ACSM2A: variants seen among roughly 807,000 people sequenced by gnomAD.
ACSM2A encodes the protein acyl-CoA synthetase medium chain family member 2A, also known as acyl-coenzyme A synthetase ACSM2A, mitochondrial.
ACSM2A carries 72 observed loss-of-function variants against 76.6 expected under a neutral mutation model. The ratio of observed to expected loss-of-function variants is 0.94; its 90% CI spans 0.78 to 1.14. The LOEUF (loss-of-function observed/expected upper bound fraction) is 1.14, where lower values mean the gene tolerates loss of function less well. Among genes scored for constraint, ACSM2A ranks in the 50% most tolerant of loss-of-function variants. The probability of loss-of-function intolerance (pLI) is 0.00; values close to 1 mark genes in which losing one functional copy is unlikely to be tolerated. For synonymous variants in ACSM2A, 249 were observed against 255.9 expected (o/e 0.97, Z 0.26); for missense variants, 684 against 708.5 (o/e 0.97, Z 0.39).
chr16:20,463,831 T>A (rs1408918076), intron 2 of ACSM2A, among the ~76,000 whole-genome samples: 1 of 152,252 alleles, frequency 6.6e-6, no homozygotes, highest in Non-Finnish European at 1.5e-5. Context: ...CCATGTAATA[T>A]ATGTCAGAAT....
chr16:20,457,012 G>T (rs1461339921), intron 1 of ACSM2A, among the ~76,000 whole-genome samples: 5 of 151,638 alleles, frequency 3.3e-5, no homozygotes, highest in Non-Finnish European at 7.4e-5. Flanking sequence ...ATCATTCAAG[G>T]CACTACAAAC....
intron 10 of ACSM2A, 94 bp downstream of exon 10, chr16:20,478,771 G>T: frequency 6.9e-7 from 1 of 1,447,032 alleles, no homozygotes; most frequent in East Asian, 2.4e-5. Flanking sequence ...CTTCCAAGAG[G>T]CACTAGATGT....
At chr16:20,482,585 C>T (rs2014146604) in intron 12 of ACSM2A, 1 of 162,460 alleles carries the variant, frequency 6.2e-6, no homozygotes, top group East Asian at 1.7e-4. Context: ...GCAGTGAGGC[C>T]ATGGGGGATC....
intron 1 of ACSM2A, among the ~76,000 whole-genome samples, chr16:20,458,270 C>T (rs995485123): frequency 6.7e-6 from 1 of 149,336 alleles, no homozygotes; most frequent in Non-Finnish European, 1.5e-5. Context: ...CATCAAAATA[C>T]CACCATCATT....
chr16:20,462,331 G>A (rs770374805), intron 2 of ACSM2A, among the ~76,000 whole-genome samples: 24 of 152,152 alleles, frequency 1.6e-4, no homozygotes, highest in Non-Finnish European at 2.8e-4. Context: ...TCACAAAGGG[G>A]TTTAGGTCCC....
At chr16:20,468,503 G>C (rs1286556443) in intron 3 of ACSM2A, among the ~76,000 whole-genome samples, 1 of 152,172 alleles carries the variant, frequency 6.6e-6, no homozygotes, top group Non-Finnish European at 1.5e-5. Flanking sequence ...GGGATTACAG[G>C]CGTGTGCCAT....
At chr16:20,485,804 G>C (rs996265884) in intron 13 of ACSM2A, among the ~76,000 whole-genome samples, 1 of 152,086 alleles carries the variant, frequency 6.6e-6, no homozygotes, top group Non-Finnish European at 1.5e-5. Context: ...GTTAATAAAG[G>C]GTTAATTTTT....
In ACSM2A at chr16:20,477,424, C is replaced by T. The variant is rs541336866; in HGVS notation, c.1154C>T (p.Thr385Met). The change falls in exon 9 of 14, where the codon ACG (threonine) becomes ATG (methionine). Residue 385 changes from threonine to methionine, a missense_variant. Thr to Met is a moderately conservative substitution (Grantham distance 81, BLOSUM62 -1). Around this residue, in one of 3 missense-constraint regions of ACSM2A, gnomAD observed 519 missense variants for 549.5 expected, o/e 0.94. Transcript: ENST00000573854. ...TMKIKPGYMG[T>M]AASCYDVQII... The stretch of plus-strand genomic sequence containing the variant: ...AAAATCAAACCAGGATACATGGGAA[C>T]GGCTGCTTCCTGTTATGATGTACAG... The T allele has an allele frequency of 3.7e-5, 59 of 1,609,118 alleles. No homozygotes were observed. The highest frequency in any genetic ancestry group is 3.3e-4 in the Middle Eastern group (2 of 6,028).
intron 6 of ACSM2A, chr16:20,474,104 A>C: frequency 2.3e-6 from 1 of 442,420 alleles, no homozygotes; most frequent in South Asian, 1.6e-5. Flanking sequence ...TGTCTCCCTA[A>C]AATGTATAAA....
chr16:20,482,777 C>T (rs1416457707), intron 12 of ACSM2A: 1 of 262,484 alleles, frequency 3.8e-6, no homozygotes, highest in Non-Finnish European at 7.3e-6. Flanking sequence ...TCTCTTTTCT[C>T]CCCCTGTATC....
At chr16:20,473,774 A>C (rs988603016) in intron 6 of ACSM2A, among the ~76,000 whole-genome samples, 1 of 152,082 alleles carries the variant, frequency 6.6e-6, no homozygotes, top group African/African-American at 2.4e-5. Flanking sequence ...GGAGTGGGAC[A>C]TGCCTCATTA....
rs756733178 is a variant in ACSM2A at position 20,475,398 on chromosome 16, G to A, written c.931G>A (p.Ala311Thr). 3 of 1,613,770 alleles carry A rather than the reference G, an allele frequency of 1.9e-6. No individual in the cohort carries two copies. Reference sequence around the variant, plus strand: ...TTATCCAATCAAGAGTATGATGGGTGCCCCCATTGTTTACCGGATGTTGCT... The same window carrying A: ...TTATCCAATCAAGAGTATGATGGGTACCCCCATTGTTTACCGGATGTTGCT... ...SSYPIKSMMG[A>T]PIVYRMLLQQ... Residue 311 changes from alanine to threonine, a missense_variant, in exon 7 of 14, where the codon GCC becomes ACC. Around this residue, in one of 3 missense-constraint regions of ACSM2A, gnomAD observed 519 missense variants for 549.5 expected, o/e 0.94. Coordinates refer to ENST00000573854, the MANE Select transcript of ACSM2A (RefSeq NM_001308172.2).
At chr16:20,455,418 A>T (rs200807521) in intron 1 of ACSM2A, among the ~76,000 whole-genome samples, 35,075 of 148,820 alleles carry the variant, frequency 0.24, 979 homozygotes, top group East Asian at 0.42. Context: ...TAATCTATAA[A>T]GGAAAACCTG....
intron 2 of ACSM2A, among the ~76,000 whole-genome samples, chr16:20,463,509 C>T (rs2012765900): frequency 6.6e-6 from 1 of 151,850 alleles, no homozygotes; most frequent in Non-Finnish European, 1.5e-5. Flanking sequence ...TTTTAACATA[C>T]ATGGCACTTC....
At chr16:20,483,241 A>C in intron 13 of ACSM2A, 64 bp downstream of exon 13, 2 of 1,593,746 alleles carry the variant, frequency 1.3e-6, no homozygotes, top group Non-Finnish European at 1.7e-6. Context: ...TGTTATATTT[A>C]TCTTCTTCAG....
chr16:20,458,599 TA>T (rs2012356143), intron 1 of ACSM2A, among the ~76,000 whole-genome samples: 1 of 141,962 alleles, frequency 7.0e-6, no homozygotes, highest in Non-Finnish European at 1.5e-5. Context: ...ATATATTTTT[TA>T]TATATATATA....
chr16:20,475,385 G>C lies in ACSM2A; in HGVS notation c.918G>C (p.Lys306Asn). ...ILKTLSSYPI[K>N]SMMGAPIVYR... Reference sequence around the variant, plus strand: ...AGACACTCTCCAGTTATCCAATCAAGAGTATGATGGGTGCCCCCATTGTTT... The same window carrying C: ...AGACACTCTCCAGTTATCCAATCAACAGTATGATGGGTGCCCCCATTGTTT... Residue 306 changes from lysine (K) to asparagine (N), a missense_variant, in exon 7 of 14, where the codon AAG (lysine) becomes AAC (asparagine). Physicochemically the swap from Lys to Asn is moderately conservative, Grantham distance 94. Transcript: ENST00000573854. 2 of 1,613,752 alleles carry C rather than the reference G, an allele frequency of 1.2e-6. No individual in the cohort carries two copies. The highest frequency in any genetic ancestry group is 1.1e-5 in the South Asian group (1 of 91,054).
At chr16:20,476,435 T>C (rs2013741878) in intron 8 of ACSM2A, 1 of 985,440 alleles carries the variant, frequency 1.0e-6, no homozygotes, top group African/African-American at 1.7e-5. Context: ...CATCCTTCTT[T>C]GGCTAATGAG....
intron 3 of ACSM2A, among the ~76,000 whole-genome samples, chr16:20,466,613 A>G (rs2013013512): frequency 6.6e-6 from 1 of 152,236 alleles, no homozygotes; most frequent in African/African-American, 2.4e-5. Context: ...GGAATAGTAA[A>G]TGCTGATTGG....
Sources: allele counts gnomAD v4.1 joint callset (sites outside exome capture counted in the v4.1 genomes callset), GRCh38; gene constraint gnomAD v4.1.1; regional missense constraint gnomAD v4.1.1; transcripts MANE v1.5; gene names NCBI Gene and HGNC (gene_info 2026-07-23, HGNC 2026-07-21).